SORT1: variants seen among roughly 807,000 people sequenced by gnomAD.
SORT1 encodes sortilin 1.
SORT1 carries 39 observed loss-of-function variants against 101.7 expected under a neutral mutation model. That is an observed-to-expected ratio of 0.38 (90% confidence interval 0.30 to 0.50). The LOEUF (loss-of-function observed/expected upper bound fraction) is 0.50. Among genes scored for constraint, SORT1 ranks in the 20% least tolerant of loss-of-function variants. The probability of loss-of-function intolerance (pLI) is 0.90; values close to 1 mark genes in which losing one functional copy is unlikely to be tolerated. For missense variants in SORT1, 878 were observed against 1,040.4 expected (o/e 0.84, Z 2.15); for synonymous variants, 396 against 393.7 (o/e 1.01, Z -0.07).
chr1:109,369,725 C>T (rs562150877), intron 1 of SORT1, 136 bp from the exon 2 acceptor site: 2 of 651,124 alleles, frequency 3.1e-6, no homozygotes, highest in African/African-American at 1.8e-5. Flanking sequence ...ATTCCCAGTA[C>T]AAAATTTGGG....
chr1:109,316,510 G>A (rs1350483302), intron 17 of SORT1, among the ~76,000 whole-genome samples: 1 of 152,172 alleles, frequency 6.6e-6, no homozygotes, highest in Non-Finnish European at 1.5e-5. Flanking sequence ...GGGATTACAG[G>A]TGTGAGCCAC....
chr1:109,397,573 C>G lies in SORT1; in HGVS notation c.306+14G>C. Reference sequence around the variant, plus strand: ...CTCGCACCCGAGCGGCTCCCGGGCCCGGCGCCCGCTCACCTGGTGCGTGTT... The same window carrying G: ...CTCGCACCCGAGCGGCTCCCGGGCCGGGCGCCCGCTCACCTGGTGCGTGTT... On this transcript the variant is annotated intron_variant, in intron 1 of 19. Transcript: ENST00000256637. 8.4e-7 allele frequency: 1 copy of G among 1,188,574 alleles called. No individual in the cohort carries two copies. Among genetic ancestry groups the G allele is most frequent in the Non-Finnish European group, 1.0e-6 (1 of 954,876 alleles). The allele number at this position is 1,188,574 out of a possible 1,614,324, so 73.6% of individuals were successfully genotyped here.
At position 109,325,046 on chromosome 1, in the gene SORT1, T is replaced by C; in HGVS notation, c.1687A>G (p.Thr563Ala). 2.5e-6 allele frequency: 4 copies of C among 1,613,680 alleles called. No homozygotes were observed. Among genetic ancestry groups the C allele is most frequent in the Non-Finnish European group, 3.4e-6 (4 of 1,179,746 alleles). The change falls in exon 14 of 20, where the codon ACC (threonine) becomes GCC (alanine). Residue 563 changes from threonine to alanine, a missense_variant. This residue lies in a region of SORT1 where 684 missense variants were observed against 894.5 expected (regional missense o/e 0.76). Transcript: ENST00000256637. ...EGQCWQTYTFTRDPIYFTGLA... is the reference protein window; with the variant it reads ...EGQCWQTYTFARDPIYFTGLA... ...CCAGTGAAATAGATGGGGTCCCTGG[T>C]GAACGTGTAGGTTTGCCAGCATTGA...
intron 1 of SORT1, among the ~76,000 whole-genome samples, chr1:109,372,080 G>T (rs758919321): frequency 5.3e-5 from 8 of 152,110 alleles, no homozygotes; most frequent in Non-Finnish European, 1.2e-4. Flanking sequence ...ATTCAATCCT[G>T]CCACTTCAAT....
intron 19 of SORT1, 100 bp downstream of exon 19, chr1:109,314,161 C>G: frequency 6.2e-7 from 1 of 1,603,028 alleles, no homozygotes. Context: ...ATTAAGTCGC[C>G]TTGGCCCTGG....
chr1:109,392,223 C>T (rs193111252), intron 1 of SORT1, among the ~76,000 whole-genome samples: 51 of 152,276 alleles, frequency 3.3e-4, no homozygotes, highest in African/African-American at 1.2e-3. Context: ...CAACTTGGTG[C>T]TAAGCACTGC....
chr1:109,375,851 T>TA (rs544492592), intron 1 of SORT1, among the ~76,000 whole-genome samples: 318 of 152,262 alleles, frequency 2.1e-3, no homozygotes, highest in African/African-American at 6.9e-3. Context: ...TGTAATTCTA[T>TA]AGCAAGTGAA....
chr1:109,349,939 C>G (rs1649852412), intron 6 of SORT1, among the ~76,000 whole-genome samples: 3 of 152,214 alleles, frequency 2.0e-5, no homozygotes, highest in African/African-American at 7.2e-5. Flanking sequence ...TCAATTCTAT[C>G]AAACTATAAC....
intron 10 of SORT1, among the ~76,000 whole-genome samples, chr1:109,337,666 C>T (rs1248485384): frequency 6.6e-6 from 1 of 150,612 alleles, no homozygotes; most frequent in Admixed American, 6.6e-5. Flanking sequence ...CTTGTTCTAT[C>T]ACCCAGGCTG....
At chr1:109,377,474 G>A (rs527508050) in intron 1 of SORT1, among the ~76,000 whole-genome samples, 1 of 152,042 alleles carries the variant, frequency 6.6e-6, no homozygotes, top group Non-Finnish European at 1.5e-5. Flanking sequence ...GTAAATAATG[G>A]CTGAATAGCG....
At chr1:109,379,825 A>G (rs1652106218) in intron 1 of SORT1, among the ~76,000 whole-genome samples, 1 of 152,248 alleles carries the variant, frequency 6.6e-6, no homozygotes. Context: ...CACATGATAA[A>G]GCTAGCATTT....
chr1:109,325,520 G>C (rs557796949), intron 13 of SORT1, among the ~76,000 whole-genome samples: 11 of 151,986 alleles, frequency 7.2e-5, no homozygotes, highest in African/African-American at 2.4e-4. Context: ...GATTATAGGC[G>C]TGAGCCACCG....
At chr1:109,391,170 C>T (rs755026633) in intron 1 of SORT1, among the ~76,000 whole-genome samples, 11 of 152,096 alleles carry the variant, frequency 7.2e-5, no homozygotes, top group African/African-American at 1.2e-4. Flanking sequence ...AAAATATTAC[C>T]CCCAAAATAA....
At chr1:109,336,105 T>C in intron 11 of SORT1, 135 bp downstream of exon 11, 4 of 606,838 alleles carry the variant, frequency 6.6e-6, no homozygotes, top group Non-Finnish European at 8.9e-6. Context: ...TTAATTTCAT[T>C]ACTCTCATCT....
In SORT1 at chr1:109,397,753, AGCGGCGCAGCGGGCGGCG is replaced by A; in HGVS notation, c.122_139del (p.Pro41_Pro46del). 8.3e-7 allele frequency: 1 copy of A among 1,197,926 alleles called. No individual in the cohort carries two copies. The highest frequency in any genetic ancestry group is 2.7e-5 in the South Asian group (1 of 37,412). 74.2% of individuals were successfully genotyped at this position (1,197,926 alleles called of 1,614,324 possible). On this transcript the variant is annotated inframe_deletion, in exon 1 of 20. Coordinates refer to ENST00000256637, the MANE Select transcript of SORT1 (RefSeq NM_002959.7). ...CCCGATGGGGCCAGACCAGCGCGGC[AGCGGCGCAGCGGGCGGCG>A]GCGGCGCGTCCAGCCGGTCCTGGCT...
intron 18 of SORT1, 59 bp downstream of exon 18, chr1:109,314,613 C>T (rs779694806): frequency 1.7e-5 from 22 of 1,262,386 alleles, no homozygotes; most frequent in Non-Finnish European, 2.4e-5. Context: ...CAGCCATATG[C>T]CCTAGATCAG....
At chr1:109,391,157 G>A (rs939161953) in intron 1 of SORT1, among the ~76,000 whole-genome samples, 1 of 151,848 alleles carries the variant, frequency 6.6e-6, no homozygotes, top group African/African-American at 2.4e-5. Flanking sequence ...AGGAACAAAC[G>A]GTAAAATATT....
At chr1:109,362,021 T>A (rs1336943685) in intron 3 of SORT1, among the ~76,000 whole-genome samples, 1 of 152,200 alleles carries the variant, frequency 6.6e-6, no homozygotes, top group Non-Finnish European at 1.5e-5. Flanking sequence ...CCAAGAGCAG[T>A]GTCAACAAGC....
intron 1 of SORT1, among the ~76,000 whole-genome samples, chr1:109,389,366 T>C (rs1652770673): frequency 6.6e-6 from 1 of 152,204 alleles, no homozygotes. Flanking sequence ...AATTCACAAC[T>C]ATATTACTTA....
Sources: allele counts gnomAD v4.1 joint callset (sites outside exome capture counted in the v4.1 genomes callset), GRCh38; gene constraint gnomAD v4.1.1; regional missense constraint gnomAD v4.1.1; transcripts MANE v1.5; gene names NCBI Gene and HGNC (gene_info 2026-07-23, HGNC 2026-07-21).